Variants in CCDC117 observed in about 807,000 individuals in gnomAD.
CCDC117 encodes the protein coiled-coil domain containing 117, also known as coiled-coil domain-containing protein 117.
A neutral mutation model predicts 23.5 loss-of-function variants in CCDC117; 1 was observed. That is an observed-to-expected ratio of 0.04 (90% CI 0.02 to 0.20). The LOEUF (loss-of-function observed/expected upper bound fraction) is 0.20, where lower values mean the gene tolerates loss of function less well. Ranked by LOEUF, CCDC117 falls within the 10% of genes least tolerant of loss-of-function variation. CCDC117 has a pLI of 1.00. For synonymous variants in CCDC117, 132 were observed against 124.8 expected (o/e 1.06, Z -0.39); for missense variants, 383 against 348.2 (o/e 1.10, Z -0.80).
rs149549381 is a variant in CCDC117, at chr22:28,780,384, A to G, written c.240-564A>G. Among the ~76,000 whole-genome samples the G allele has an allele frequency of 1.2e-3, 189 of 152,360 alleles. 1 individual carries two copies. Among genetic ancestry groups the G allele is most frequent in the Middle Eastern group, 3.4e-3 (1 of 294 alleles). On this transcript the variant is annotated intron_variant, in intron 2 of 4. Transcript: ENST00000249064. ...AGACATGTTTTTGCCCTAAGGGAAT[A>G]TAGAATGGCTGCCAGACCATCTTCC...
At chr22:28,782,501 C>T (rs533256448) in intron 3 of CCDC117, among the ~76,000 whole-genome samples, 14 of 151,988 alleles carry the variant, frequency 9.2e-5, no homozygotes, top group Admixed American at 3.3e-4. Flanking sequence ...TGCAGTGGTG[C>T]GATCTCAGCT....
At chr22:28,774,209 A>T (rs2031093425) in intron 2 of CCDC117, among the ~76,000 whole-genome samples, 1 of 149,804 alleles carries the variant, frequency 6.7e-6, no homozygotes, top group African/African-American at 2.5e-5. Context: ...CTGGGACTAC[A>T]GGCGCCCGCC....
intron 2 of CCDC117, among the ~76,000 whole-genome samples, chr22:28,777,853 ATT>A (rs201396413): frequency 2.1e-5 from 3 of 141,792 alleles, no homozygotes; most frequent in Non-Finnish European, 1.5e-5. Flanking sequence ...TCTTATAGGA[ATT>A]TTTTTTTTTT....
intron 2 of CCDC117, among the ~76,000 whole-genome samples, chr22:28,779,578 T>G (rs1353605698): frequency 6.6e-6 from 1 of 152,192 alleles, no homozygotes; most frequent in Non-Finnish European, 1.5e-5. Context: ...TCTTAATGCT[T>G]TCTTAGGAGT....
intron 3 of CCDC117, among the ~76,000 whole-genome samples, chr22:28,782,734 G>C (rs1170799636): frequency 1.3e-5 from 2 of 152,128 alleles, no homozygotes; most frequent in African/African-American, 4.8e-5. Context: ...ATTGCACCCG[G>C]CCTTTTTTTG....
chr22:28,785,430 T>C (rs1569200573), intron 4 of CCDC117, among the ~76,000 whole-genome samples: 1 of 151,680 alleles, frequency 6.6e-6, no homozygotes, highest in South Asian at 2.1e-4. Flanking sequence ...TCAAACCATC[T>C]GCCTGGCTTG....
At chr22:28,781,335 G>GTTTGTTTT (rs2031316834) in intron 3 of CCDC117, among the ~76,000 whole-genome samples, 163 bp downstream of exon 3, 6 of 14,822 alleles carry the variant, frequency 4.0e-4, no homozygotes, top group African/African-American at 3.1e-3. Flanking sequence ...TTTTTGTTTT[G>GTTTGTTTT]TTTTTTTTTT....
chr22:28,782,127 G>A (rs1357873954), intron 3 of CCDC117, among the ~76,000 whole-genome samples: 1 of 151,306 alleles, frequency 6.6e-6, no homozygotes, highest in Non-Finnish European at 1.5e-5. Context: ...TTGTAGAGAC[G>A]GGATTTCGCC....
intron 1 of CCDC117, 113 bp downstream of exon 1, chr22:28,773,147 TCC>T: frequency 6.8e-5 from 23 of 339,568 alleles, no homozygotes; most frequent in Non-Finnish European, 7.6e-5. Context: ...GCTTTTTGAC[TCC>T]CTCCCCACGG....
Position 28,773,707 on chromosome 22 carries a change from T to C in CCDC117, c.186-18T>C, listed in dbSNP as rs750171391. 4 of 1,607,362 alleles carry C rather than the reference T, an allele frequency of 2.5e-6. No homozygotes were observed. In the South Asian group the frequency reaches 4.4e-5, roughly 18 times the overall value. ...CGAGTACATTTCTTAATTGACTGAT[T>C]TTTGTTTGTTTCAACAGTGTTTCTG... On this transcript the variant is annotated intron_variant, in intron 1 of 4. Transcript: ENST00000249064.
intron 3 of CCDC117, 57 bp from the exon 4 acceptor site, chr22:28,783,451 A>G: frequency 1.3e-6 from 2 of 1,540,900 alleles, no homozygotes; most frequent in Non-Finnish European, 1.8e-6. Context: ...AAATACTAGA[A>G]TATATAATAG....
chr22:28,782,531 C>T (rs960929016), intron 3 of CCDC117, among the ~76,000 whole-genome samples: 19 of 152,198 alleles, frequency 1.2e-4, no homozygotes, highest in East Asian at 9.7e-4. Flanking sequence ...CTCCACCTCC[C>T]GGGTTCAGGC....
At position 28,786,632 on chromosome 22, in the gene CCDC117, A is replaced by G; in HGVS notation, c.*306A>G. On this transcript the variant is annotated 3_prime_UTR_variant, in exon 5 of 5. Transcript: ENST00000249064. Reference sequence around the variant, plus strand: ...AAGGGTGACTTAAATCATATGTCACATTGTCTAAACTATTCAGACACTTGG... The same window carrying G: ...AAGGGTGACTTAAATCATATGTCACGTTGTCTAAACTATTCAGACACTTGG... 1 of 276,184 alleles carries G rather than the reference A, an allele frequency of 3.6e-6. No individual in the cohort carries two copies. The highest frequency in any genetic ancestry group is 6.9e-6 in the Non-Finnish European group (1 of 144,562). 17.1% of individuals were successfully genotyped at this position (276,184 alleles called of 1,614,324 possible).
rs1171673462 is a variant in CCDC117 at position 28,789,003 on chromosome 22, G to A, written c.*2677G>A. On this transcript the variant is annotated 3_prime_UTR_variant, in exon 5 of 5. Coordinates refer to ENST00000249064, the MANE Select transcript of CCDC117 (RefSeq NM_173510.4). ...TTTTTTTTTTTTGTAATTATATGAAGAAAGTCCAGTTCTCATAAATATTGA... is the reference window on the plus strand; with the variant it reads ...TTTTTTTTTTTTGTAATTATATGAAAAAAGTCCAGTTCTCATAAATATTGA... The A allele has an allele frequency of 6.9e-6, 1 of 145,352 alleles. No homozygotes were observed. The highest frequency in any genetic ancestry group is 1.5e-5 in the Non-Finnish European group (1 of 66,854). 9.0% of individuals were successfully genotyped at this position (145,352 alleles called of 1,614,324 possible).
In CCDC117 at chr22:28,772,703, T is replaced by C; in HGVS notation, c.-147T>C. On this transcript the variant is annotated 5_prime_UTR_variant, in exon 1 of 5. Transcript: ENST00000249064. ...AATCCCGGCATGCCCCCGAGCGGCC[T>C]GAGGTGGAGGGTTCTAGAAGGCGTG... 1 of 548,494 alleles carries C rather than the reference T, an allele frequency of 1.8e-6. No individual in the cohort carries two copies. The highest frequency in any genetic ancestry group is 2.7e-6 in the Non-Finnish European group (1 of 373,038). The allele number at this position is 548,494 out of a possible 1,614,324, so 34.0% of individuals were successfully genotyped here. A position where few individuals can be genotyped will look rare whatever the true frequency, so the allele number is the denominator to read the frequency against.
intron 2 of CCDC117, among the ~76,000 whole-genome samples, chr22:28,775,221 A>T (rs2031128643): frequency 6.6e-6 from 1 of 152,218 alleles, no homozygotes; most frequent in Non-Finnish European, 1.5e-5. Context: ...AGATTGCGCC[A>T]TTGCACTCCA....
chr22:28,779,806 A>AT (rs1314367523), intron 2 of CCDC117, among the ~76,000 whole-genome samples: 5 of 151,992 alleles, frequency 3.3e-5, no homozygotes, highest in East Asian at 1.9e-4. Flanking sequence ...GCCATTAATG[A>AT]TTTTTTTTGG....
intron 1 of CCDC117, chr22:28,773,459 G>C (rs1400083674): frequency 3.9e-6 from 2 of 510,680 alleles, no homozygotes; most frequent in Admixed American, 3.1e-5. Flanking sequence ...CACAGCGCCT[G>C]CCCCGAGGAC....
At position 28,774,371 on chromosome 22, in the gene CCDC117, C is replaced by CTTTTTT. The variant is rs35613553; in HGVS notation, c.239+608_239+613dup. The stretch of plus-strand genomic sequence containing the variant: ...CCTGAGCCGCCCCGGCCTGAAAAGT[C>CTTTTTT]TTTTTTTTTTTTTTTTTTTTAAAGT... On this transcript the variant is annotated intron_variant, in intron 2 of 4. Transcript: ENST00000249064. Among the ~76,000 whole-genome samples, 37 of 122,154 alleles carry CTTTTTT rather than the reference C, an allele frequency of 3.0e-4. 1 individual carries two copies. The highest frequency in any genetic ancestry group is 2.6e-3 in the East Asian group (11 of 4,156). The allele number at this position is 122,154 out of a possible 152,430, so 80.1% of individuals were successfully genotyped here. A position where few individuals can be genotyped will look rare whatever the true frequency, so the allele number is the denominator to read the frequency against.
Sources: gnomAD v4.1 joint callset for allele counts (sites outside exome capture counted in the v4.1 genomes callset) on GRCh38, gnomAD v4.1.1 for gene constraint, MANE v1.5 for transcripts, NCBI Gene and HGNC (gene_info 2026-07-23, HGNC 2026-07-21) for gene names.